Variants in EPHA4 observed in about 807,000 individuals in gnomAD.
EPHA4 encodes EPH receptor A4.
Under a neutral mutation model 108.3 loss-of-function variants are expected in EPHA4, and 19 were observed. That is an observed-to-expected ratio of 0.18 (90% confidence interval 0.12 to 0.26). The LOEUF is 0.26. Among genes scored for constraint, EPHA4 ranks in the 10% least tolerant of loss-of-function variants. The pLI is 1.00. For synonymous variants in EPHA4, 449 were observed against 455.5 expected (o/e 0.99, Z 0.18); for missense variants, 917 against 1,254.0 (o/e 0.73, Z 4.06).
At chr2:221,465,023 A>T (rs1188825738) in intron 5 of EPHA4, among the ~76,000 whole-genome samples, 1 of 152,150 alleles carries the variant, frequency 6.6e-6, no homozygotes, top group Non-Finnish European at 1.5e-5. Flanking sequence ...TATTAAGCTT[A>T]AATTTAGAAT....
intron 3 of EPHA4, among the ~76,000 whole-genome samples, chr2:221,510,537 CTA>C (rs1175949105): frequency 6.6e-6 from 1 of 152,106 alleles, no homozygotes; most frequent in Non-Finnish European, 1.5e-5. Context: ...CAGAAAAAAA[CTA>C]TGCTGAAAAT....
intron 3 of EPHA4, among the ~76,000 whole-genome samples, chr2:221,517,288 A>G (rs1016855836): frequency 3.3e-5 from 5 of 152,200 alleles, no homozygotes; most frequent in Non-Finnish European, 7.3e-5. Flanking sequence ...CATGTATTAG[A>G]CAGACAGAAG....
rs141212688 is a variant in EPHA4 at position 221,472,800 on chromosome 2, T to C, written c.1318+9552A>G. Among the ~76,000 whole-genome samples the C allele has an allele frequency of 2.3e-4, 35 of 152,292 alleles. 1 individual carries two copies. The highest frequency in any genetic ancestry group is 7.5e-4 in the African/African-American group (31 of 41,554). ...AATTTTACACATAAAGTATTTTAGA[T>C]AGATTTCAGGGAGTGGTCCCTGTAC... is the stretch of plus-strand genomic sequence containing the variant. On this transcript the variant is annotated intron_variant, in intron 5 of 17. Coordinates refer to ENST00000281821, the MANE Select transcript of EPHA4 (RefSeq NM_004438.5).
intron 3 of EPHA4, among the ~76,000 whole-genome samples, chr2:221,556,294 T>C (rs1048654641): frequency 2.6e-5 from 4 of 152,154 alleles, no homozygotes; most frequent in African/African-American, 4.8e-5. Flanking sequence ...ATTGTTTTAC[T>C]ACTTTCTTTC....
chr2:221,572,306 A>T (rs1694869463), upstream of EPHA4: 6 of 1,477,128 alleles, frequency 4.1e-6, no homozygotes, highest in Admixed American at 6.8e-5. Flanking sequence ...TAAATGCTTA[A>T]GTTAGGAGAG....
At chr2:221,502,458 C>T (rs1692513405) in intron 3 of EPHA4, 1 of 467,444 alleles carries the variant, frequency 2.1e-6, no homozygotes, top group Non-Finnish European at 4.4e-6. Context: ...GGGAGAAGGA[C>T]CTATCAGCCA....
At chr2:221,570,340 G>GT (rs879572096) in intron 1 of EPHA4, among the ~76,000 whole-genome samples, 7 of 151,446 alleles carry the variant, frequency 4.6e-5, no homozygotes, top group South Asian at 2.1e-4. Flanking sequence ...AAAAGAGGGG[G>GT]TTTAAAAAAA....
At chr2:221,426,427 A>G (rs564995410) in intron 16 of EPHA4, 37 bp downstream of exon 16, 2 of 1,565,414 alleles carry the variant, frequency 1.3e-6, no homozygotes, top group African/African-American at 1.4e-5. Flanking sequence ...TATTAAATCT[A>G]GATTTACCCT....
intron 1 of EPHA4, among the ~76,000 whole-genome samples, chr2:221,570,308 G>T (rs1183974020): frequency 1.4e-5 from 1 of 74,008 alleles, no homozygotes; most frequent in Non-Finnish European, 2.8e-5. Context: ...GGGCTCCCAA[G>T]TTTTTCTCCC....
At position 221,501,161 on chromosome 2, in the gene EPHA4, C is replaced by T. The variant is rs1457488118; in HGVS notation, c.835G>A (p.Gly279Arg). 5 of 1,598,306 alleles carry T rather than the reference C, an allele frequency of 3.1e-6. No homozygotes were observed. Among genetic ancestry groups the T allele is most frequent in the African/African-American group, 1.4e-5 (1 of 74,040 alleles). The part of the protein sequence containing the change: ...RSGECQACKI[G>R]YYKALSTDAT... ...TCCGTGGAGAGAGCCTTGTAATATC[C>T]AATTTTGCAAGCTGCAGGGAAGAAG... Residue 279 changes from glycine to arginine, a missense_variant, in exon 4 of 18, where the codon GGA becomes AGA. By Grantham distance (125) the Gly-to-Arg change is moderately radical. This residue lies in a region of EPHA4 where 758 missense variants were observed against 1,076.7 expected (regional missense o/e 0.70). Coordinates refer to ENST00000281821, the MANE Select transcript of EPHA4 (RefSeq NM_004438.5).
chr2:221,476,075 C>G (rs886710240), intron 5 of EPHA4, among the ~76,000 whole-genome samples: 18 of 152,150 alleles, frequency 1.2e-4, no homozygotes, highest in African/African-American at 4.3e-4. Context: ...GAAAACTTAG[C>G]TGGATGTGGT....
chr2:221,494,573 C>T (rs1266087298), intron 4 of EPHA4, among the ~76,000 whole-genome samples: 1 of 152,154 alleles, frequency 6.6e-6, no homozygotes, highest in Non-Finnish European at 1.5e-5. Flanking sequence ...CGCCACTGTA[C>T]TCCAGCCTGG....
rs2106082074 is a variant in EPHA4, at chr2:221,419,931, A to G, written c.*1441T>C. ...TAGTCCTAAGCATGAGGCTACGCACATACACACACCCGCACACAGACAGGC... is the reference window on the plus strand; with the variant it reads ...TAGTCCTAAGCATGAGGCTACGCACGTACACACACCCGCACACAGACAGGC... On this transcript the variant is annotated 3_prime_UTR_variant, in exon 18 of 18. Transcript: ENST00000281821. 1 of 152,854 alleles carries G rather than the reference A, an allele frequency of 6.5e-6. No homozygotes were observed. The highest frequency in any genetic ancestry group is 1.5e-5 in the Non-Finnish European group (1 of 68,080). The allele number at this position is 152,854 out of a possible 1,614,324, so 9.5% of individuals were successfully genotyped here.
upstream of EPHA4, chr2:221,573,714 G>A (rs1449448351): frequency 6.6e-6 from 1 of 152,262 alleles, no homozygotes; most frequent in Non-Finnish European, 1.5e-5. The surrounding 1 kb of genome is among the most constrained non-coding windows in gnomAD (Gnocchi z 4.5). Context: ...CCAGATGCGG[G>A]AGTGTGCGGC....
rs763171451 is a variant in EPHA4 at position 221,420,161 on chromosome 2, G to A, written c.*1211C>T. On this transcript the variant is annotated 3_prime_UTR_variant, in exon 18 of 18. Transcript: ENST00000281821. ...TGACCTGGTGTCCATAGTAAGACCT[G>A]TAGCATTTGGTCACTTGCTGCCACA... 2 of 152,632 alleles carry A rather than the reference G, an allele frequency of 1.3e-5. No individual in the cohort carries two copies. The highest frequency in any genetic ancestry group is 2.9e-5 in the Non-Finnish European group (2 of 68,044). The allele number at this position is 152,632 out of a possible 1,614,324, so 9.5% of individuals were successfully genotyped here.
At chr2:221,480,868 G>A (rs569880222) in intron 5 of EPHA4, among the ~76,000 whole-genome samples, 1 of 152,274 alleles carries the variant, frequency 6.6e-6, no homozygotes, top group East Asian at 1.9e-4. Flanking sequence ...TGGGACACTG[G>A]AATAGTTTTC....
chr2:221,427,719 A>T (rs1689953575), intron 15 of EPHA4, among the ~76,000 whole-genome samples: 1 of 152,212 alleles, frequency 6.6e-6, no homozygotes, highest in African/African-American at 2.4e-5. Context: ...CAATTATATC[A>T]TTACTACTAA....
chr2:221,550,562 A>C (rs1253995567), intron 3 of EPHA4, among the ~76,000 whole-genome samples: 1 of 152,088 alleles, frequency 6.6e-6, no homozygotes, highest in Admixed American at 6.6e-5. Flanking sequence ...TGAGACTTAG[A>C]TATATTATCT....
At chr2:221,473,428 C>T (rs1248300325) in intron 5 of EPHA4, among the ~76,000 whole-genome samples, 1 of 151,706 alleles carries the variant, frequency 6.6e-6, no homozygotes, top group Non-Finnish European at 1.5e-5. Context: ...TGTTGAGACT[C>T]AGAAGAATTC....
Sources: allele counts gnomAD v4.1 joint callset (sites outside exome capture counted in the v4.1 genomes callset), GRCh38; gene constraint gnomAD v4.1.1; regional missense constraint gnomAD v4.1.1; non-coding constraint Gnocchi (gnomAD v3.1); transcripts MANE v1.5; gene names NCBI Gene and HGNC (gene_info 2026-07-23, HGNC 2026-07-21).